The following SOX5 variants were observed in gnomAD, a reference collection of about 807,000 sequenced individuals.
The protein encoded by SOX5 is transcription factor SOX-5.
A neutral mutation model predicts 92.0 loss-of-function variants in SOX5; 9 were observed. That is an observed-to-expected ratio of 0.10 (90% CI 0.06 to 0.17). The LOEUF is 0.17. Among genes scored for constraint, SOX5 ranks in the 10% least tolerant of loss-of-function variants. The pLI, the probability that SOX5 is intolerant of heterozygous loss-of-function variation, is 1.00. For synonymous variants in SOX5, 344 were observed against 336.3 expected (o/e 1.02, Z -0.25); for missense variants, 642 against 944.5 (o/e 0.68, Z 4.20).
At chr12:24,492,615 G>T (rs1947207119) in intron 1 of SOX5, among the ~76,000 whole-genome samples, 1 of 152,142 alleles carries the variant, frequency 6.6e-6, no homozygotes, top group African/African-American at 2.4e-5. Context: ...ACAGAGACTT[G>T]GGGTTATAAT....
chr12:24,343,865 G>A (rs752313569), intron 2 of SOX5, among the ~76,000 whole-genome samples: 13 of 152,140 alleles, frequency 8.5e-5, no homozygotes, highest in South Asian at 2.1e-4. Context: ...CCAGAAAGCC[G>A]ACTGTAAGTT....
intron 1 of SOX5, among the ~76,000 whole-genome samples, chr12:23,907,765 C>A (rs747105424): frequency 1.3e-5 from 2 of 151,600 alleles, no homozygotes; most frequent in Non-Finnish European, 2.9e-5. Context: ...AAAAATGTTT[C>A]GAGTAGGAAA....
At chr12:23,634,638 C>T (rs138374885) in intron 8 of SOX5, among the ~76,000 whole-genome samples, 2 of 152,092 alleles carry the variant, frequency 1.3e-5, no homozygotes, top group African/African-American at 4.8e-5. Context: ...GCCAAACATG[C>T]TACCAGGCAC....
At chr12:24,499,300 G>T (rs1455198116) in intron 1 of SOX5, among the ~76,000 whole-genome samples, 2 of 152,188 alleles carry the variant, frequency 1.3e-5, no homozygotes, top group Non-Finnish European at 2.9e-5. Flanking sequence ...CATATTTCTT[G>T]GGTGAAATAG....
At chr12:24,156,699 G>A (rs1952208692) in intron 4 of SOX5, among the ~76,000 whole-genome samples, 1 of 152,052 alleles carries the variant, frequency 6.6e-6, no homozygotes, top group Non-Finnish European at 1.5e-5. Context: ...TATTTTCTCA[G>A]ATACAACAAT....
At chr12:24,028,212 G>T (rs1032849357) in intron 4 of SOX5, among the ~76,000 whole-genome samples, 1 of 151,864 alleles carries the variant, frequency 6.6e-6, no homozygotes, top group Non-Finnish European at 1.5e-5. Context: ...GTACTTATAA[G>T]GTGACCATAC....
At chr12:23,792,494 A>T (rs561778836) in intron 3 of SOX5, among the ~76,000 whole-genome samples, 1 of 151,374 alleles carries the variant, frequency 6.6e-6, no homozygotes, top group Admixed American at 6.6e-5. Flanking sequence ...GTGGTGGTGC[A>T]TGCCTGTAAT....
intron 6 of SOX5, among the ~76,000 whole-genome samples, chr12:23,722,442 G>A (rs1050258269): frequency 6.6e-5 from 10 of 152,100 alleles, no homozygotes; most frequent in Non-Finnish European, 1.2e-4. Context: ...CAGGTGTTCT[G>A]AGGCATCCAT....
intron 4 of SOX5, among the ~76,000 whole-genome samples, chr12:24,146,560 C>T (rs562477822): frequency 7.4e-4 from 113 of 151,788 alleles, no homozygotes; most frequent in Middle Eastern, 3.4e-3. Context: ...ACCTCCGTTT[C>T]CACTGTAAGA....
chr12:24,247,442 A>G (rs1038283877), intron 3 of SOX5, among the ~76,000 whole-genome samples: 3 of 151,912 alleles, frequency 2.0e-5, no homozygotes, highest in Non-Finnish European at 2.9e-5. Context: ...TTGGTTAGAG[A>G]GAGAGTTGAG....
At chr12:24,030,589 T>A (rs1955392772) in intron 4 of SOX5, among the ~76,000 whole-genome samples, 1 of 151,902 alleles carries the variant, frequency 6.6e-6, no homozygotes, top group South Asian at 2.1e-4. Flanking sequence ...ACTGCAAACC[T>A]ACAAGAAGAA....
rs569662179 is a variant in SOX5, at chr12:23,928,980, CT to C, written c.38+20583del. On this transcript the variant is annotated intron_variant, in intron 1 of 14. Transcript: ENST00000451604. ...GTAAATATAATTACTAAAATAATAT[CT>C]GAAAGAAAATTATAATAAATTAAGT... Among the ~76,000 whole-genome samples the C allele has an allele frequency of 3.7e-4, 56 of 151,328 alleles. 1 individual carries two copies. In the South Asian group the frequency reaches 0.011, roughly 31 times the overall value.
intron 4 of SOX5, among the ~76,000 whole-genome samples, chr12:24,037,220 T>C (rs1403824972): frequency 6.6e-6 from 1 of 152,074 alleles, no homozygotes; most frequent in African/African-American, 2.4e-5. Context: ...CTTAAGATAA[T>C]TCAAATGAAT....
At chr12:24,474,242 G>T in intron 1 of SOX5, among the ~76,000 whole-genome samples, 1 of 152,154 alleles carries the variant, frequency 6.6e-6, no homozygotes, top group African/African-American at 2.4e-5. Context: ...TATAATTTTT[G>T]CTTAGATAGA....
At chr12:23,647,387 T>TA (rs1203128216) in intron 7 of SOX5, among the ~76,000 whole-genome samples, 5 of 152,288 alleles carry the variant, frequency 3.3e-5, no homozygotes, top group South Asian at 2.1e-4. Flanking sequence ...GCTTAATTCT[T>TA]AAAAAAACTA....
chr12:23,714,387 C>CG (rs2092323622), intron 6 of SOX5, among the ~76,000 whole-genome samples: 1 of 151,862 alleles, frequency 6.6e-6, no homozygotes, highest in South Asian at 2.1e-4. Context: ...TTTGGGAGGC[C>CG]GAGGCAGGTG....
chr12:24,272,530 G>C (rs938967242), intron 3 of SOX5, among the ~76,000 whole-genome samples: 5 of 152,126 alleles, frequency 3.3e-5, no homozygotes, highest in African/African-American at 9.7e-5. Flanking sequence ...CATTAAGGAA[G>C]TTCCTCCCTG....
intron 1 of SOX5, among the ~76,000 whole-genome samples, chr12:24,427,449 A>T (rs1966850650): frequency 6.6e-6 from 1 of 152,220 alleles, no homozygotes; most frequent in Non-Finnish European, 1.5e-5. Context: ...AAAGCATGGG[A>T]TTATATCACA....
intron 1 of SOX5, among the ~76,000 whole-genome samples, chr12:24,549,061 C>T (rs765238910): frequency 3.3e-5 from 5 of 152,122 alleles, no homozygotes; most frequent in Non-Finnish European, 5.9e-5. Context: ...CTTTGGAAAC[C>T]TTACACATGC....
Sources: allele counts gnomAD v4.1 joint callset (sites outside exome capture counted in the v4.1 genomes callset), GRCh38; gene constraint gnomAD v4.1.1; transcripts MANE v1.5; gene names NCBI Gene and HGNC (gene_info 2026-07-23, HGNC 2026-07-21).